ADCY8: variants seen among roughly 807,000 people sequenced by gnomAD.
ADCY8 encodes adenylate cyclase type 8.
A neutral mutation model predicts 119.7 loss-of-function variants in ADCY8; 51 were observed. The ratio of observed to expected loss-of-function variants is 0.43; its 90% confidence interval spans 0.34 to 0.54. ADCY8 has a LOEUF of 0.54. Ranked by LOEUF, ADCY8 falls within the 20% of genes least tolerant of loss-of-function variation. The pLI, the probability that ADCY8 is intolerant of heterozygous loss-of-function variation, is 0.03. For missense variants in ADCY8, 1,383 were observed against 1,598.8 expected, an observed-to-expected ratio of 0.87 and a Z score of 2.30; for synonymous variants, 665 against 651.0, an observed-to-expected ratio of 1.02 and a Z score of -0.33.
At chr8:131,024,965 A>G (rs16904399) in intron 1 of ADCY8, among the ~76,000 whole-genome samples, 1 of 152,140 alleles carries the variant, frequency 6.6e-6, no homozygotes, top group Non-Finnish European at 1.5e-5. Flanking sequence ...ATGCACATTC[A>G]TTATAACTCA....
rs755938841 is a variant in ADCY8 at position 130,997,095 on chromosome 8, T to TA, written c.961-6554dup. 5.3e-4 allele frequency among the ~76,000 whole-genome samples: 80 copies of TA among 152,258 alleles called. 1 individual carries two copies. Among genetic ancestry groups the TA allele is most frequent in the Admixed American group, 1.8e-3 (27 of 15,294 alleles). On this transcript the variant is annotated intron_variant, in intron 1 of 17. Coordinates refer to ENST00000286355, the MANE Select transcript of ADCY8 (RefSeq NM_001115.3). The stretch of plus-strand genomic sequence containing the variant: ...GTGGTCTGTGTAAACAAAAAGAATG[T>TA]AAAATTGCATTTAAAATACTTAATG...
chr8:131,019,596 T>G (rs1248955503), intron 1 of ADCY8, among the ~76,000 whole-genome samples: 2 of 152,238 alleles, frequency 1.3e-5, no homozygotes, highest in African/African-American at 4.8e-5. Flanking sequence ...TCTCACCTTC[T>G]TGGACATACA....
intron 8 of ADCY8, among the ~76,000 whole-genome samples, chr8:130,880,881 T>C (rs961049185): frequency 4.6e-5 from 7 of 152,204 alleles, no homozygotes; most frequent in Non-Finnish European, 8.8e-5. Context: ...CACAGATTTA[T>C]AGCATTAACT....
intron 5 of ADCY8, among the ~76,000 whole-genome samples, chr8:130,932,704 C>A (rs1345570783): frequency 6.6e-6 from 1 of 152,138 alleles, no homozygotes; most frequent in African/African-American, 2.4e-5. Context: ...ATTGATGTTT[C>A]TGTTAGAGAA....
intron 3 of ADCY8, among the ~76,000 whole-genome samples, chr8:130,948,617 C>T (rs1821176003): frequency 7.1e-6 from 1 of 140,488 alleles, no homozygotes; most frequent in South Asian, 2.2e-4. Context: ...ATGTGTACAG[C>T]ACTTTTTTAG....
At chr8:131,035,915 G>A (rs1469672332) in intron 1 of ADCY8, among the ~76,000 whole-genome samples, 1 of 152,146 alleles carries the variant, frequency 6.6e-6, no homozygotes, top group Non-Finnish European at 1.5e-5. Context: ...AGAATGATGA[G>A]CTAGCTACAA....
At chr8:130,860,487 CA>C in intron 9 of ADCY8, among the ~76,000 whole-genome samples, 1 of 152,130 alleles carries the variant, frequency 6.6e-6, no homozygotes, top group East Asian at 1.9e-4. Flanking sequence ...AATTCAAAAC[CA>C]AAATTTTATT....
intron 1 of ADCY8, among the ~76,000 whole-genome samples, chr8:130,998,690 G>A (rs953895360): frequency 6.6e-6 from 1 of 152,192 alleles, no homozygotes; most frequent in Non-Finnish European, 1.5e-5. Flanking sequence ...GCTTCCAAGA[G>A]TCTCCTTGAA....
Position 130,875,389 on chromosome 8 carries a change from G to A in ADCY8, c.2110-7443C>T, listed in dbSNP as rs1055077588. Among the ~76,000 whole-genome samples, 4 of 152,196 alleles carry A rather than the reference G, an allele frequency of 2.6e-5. No homozygotes were observed. In the East Asian group the frequency reaches 7.7e-4, roughly 29 times the overall value. Reference sequence around the variant, plus strand: ...TCTTTAAAAATCATTTTAACAATAAGATCATGAAAATGACTAGGAGATATG... The same window carrying A: ...TCTTTAAAAATCATTTTAACAATAAAATCATGAAAATGACTAGGAGATATG... On this transcript the variant is annotated intron_variant, in intron 8 of 17. Coordinates refer to ENST00000286355, the MANE Select transcript of ADCY8 (RefSeq NM_001115.3).
chr8:130,909,010 T>C (rs1449823359), intron 6 of ADCY8, among the ~76,000 whole-genome samples: 24 of 129,506 alleles, frequency 1.9e-4, no homozygotes, highest in Non-Finnish European at 3.8e-4. Context: ...TCTCTCTCTC[T>C]TTCTCTATCT....
intron 1 of ADCY8, among the ~76,000 whole-genome samples, chr8:131,012,406 A>G (rs4736732): frequency 0.58 from 87,493 of 151,444 alleles, 26,535 homozygotes; most frequent in East Asian, 0.78. Context: ...AACTGCAGCA[A>G]AAGGGACTGT....
intron 4 of ADCY8, among the ~76,000 whole-genome samples, chr8:130,939,044 G>A (rs1406027251): frequency 6.6e-6 from 1 of 152,040 alleles, no homozygotes; most frequent in Non-Finnish European, 1.5e-5. Context: ...GAGTCAGTGG[G>A]ACTGTTATGG....
intron 2 of ADCY8, among the ~76,000 whole-genome samples, chr8:130,963,767 T>G (rs1475349447): frequency 1.3e-5 from 2 of 152,056 alleles, no homozygotes; most frequent in African/African-American, 4.8e-5. Context: ...CAGCAGCAGG[T>G]GAGACCCTGG....
Position 130,990,400 on chromosome 8 carries a change from T to C in ADCY8, c.1103A>G (p.Gln368Arg), listed in dbSNP as rs1179174703. The C allele has an allele frequency of 6.2e-7, 1 of 1,614,164 alleles. No individual in the cohort carries two copies. The highest frequency in any genetic ancestry group is 2.2e-5 in the East Asian group (1 of 44,872). The change falls in exon 2 of 18, where the codon CAA becomes CGA. Residue 368 changes from glutamine (Q) to arginine (R), a missense_variant. By Grantham distance (43) the Gln-to-Arg change is conservative. Transcript: ENST00000286355. ...AGCCTTGTCAGTTGGTACCTGTCTT[T>C]GGTTCTCTGTCTCCAGGCGCAGCCT... ...EARLRLETEN[Q>R]RQERLVLSVL... is the part of the protein sequence containing the mutation.
At chr8:131,013,161 G>C (rs1184317768) in intron 1 of ADCY8, among the ~76,000 whole-genome samples, 2 of 152,146 alleles carry the variant, frequency 1.3e-5, no homozygotes, top group Non-Finnish European at 2.9e-5. Context: ...TTAGATTCCA[G>C]TGACAAATAA....
chr8:130,896,086 G>A (rs1819377660), intron 7 of ADCY8, among the ~76,000 whole-genome samples: 2 of 152,098 alleles, frequency 1.3e-5, no homozygotes, highest in Non-Finnish European at 2.9e-5. Context: ...CTTAATTCCT[G>A]CTTGCCTGTA....
rs554930670 is a variant in ADCY8 at position 130,933,541 on chromosome 8, G to A, written c.1481+3532C>T. 5.9e-4 allele frequency among the ~76,000 whole-genome samples: 90 copies of A among 152,246 alleles called. 2 individuals carry two copies. In the South Asian group the frequency reaches 0.011, roughly 19 times the overall value. On this transcript the variant is annotated intron_variant, in intron 5 of 17. Transcript: ENST00000286355. ...GCTCCTATTAATTCCTTTTTAGCATGCTTTCTTGCTAACTAGAATAATTAA... is the reference window on the plus strand; with the variant it reads ...GCTCCTATTAATTCCTTTTTAGCATACTTTCTTGCTAACTAGAATAATTAA...
intron 2 of ADCY8, among the ~76,000 whole-genome samples, chr8:130,981,837 A>C (rs1056680084): frequency 3.9e-5 from 6 of 152,338 alleles, no homozygotes; most frequent in African/African-American, 1.4e-4. Context: ...CAGTTCAAGG[A>C]TCAGCCATGA....
chr8:131,036,836 G>GAAGA (rs1336315593), intron 1 of ADCY8, among the ~76,000 whole-genome samples: 4 of 152,138 alleles, frequency 2.6e-5, no homozygotes, highest in African/African-American at 9.6e-5. Flanking sequence ...GAATACAAGA[G>GAAGA]AAGAGAAGAG....
Sources: gnomAD v4.1 joint callset for allele counts (sites outside exome capture counted in the v4.1 genomes callset) on GRCh38, gnomAD v4.1.1 for gene constraint, MANE v1.5 for transcripts, NCBI Gene and HGNC (gene_info 2026-07-23, HGNC 2026-07-21) for gene names.